Variants in LINGO2 observed in about 807,000 individuals in gnomAD.
LINGO2 encodes the protein leucine-rich repeat and immunoglobulin-like domain-containing nogo receptor-interacting protein 2.
Under a neutral mutation model 30.6 loss-of-function variants are expected in LINGO2, and 14 were observed. The observed-to-expected ratio is 0.46, with a 90% CI of 0.30 to 0.72. The LOEUF is 0.72. Among genes scored for constraint, LINGO2 ranks in the 30% least tolerant of loss-of-function variants. The probability of loss-of-function intolerance (pLI) is 0.07; values close to 1 mark genes in which losing one functional copy is unlikely to be tolerated. For synonymous variants in LINGO2, 317 were observed against 288.5 expected, an observed-to-expected ratio of 1.10 and a Z score of -1.00; for missense variants, 729 against 751.7, an observed-to-expected ratio of 0.97 and a Z score of 0.35.
At chr9:28,393,664 A>G (rs1821926203) in intron 2 of LINGO2, among the ~76,000 whole-genome samples, 1 of 152,188 alleles carries the variant, frequency 6.6e-6, no homozygotes, top group South Asian at 2.1e-4. Context: ...GGCAAGATCA[A>G]CTGTCAGAGG....
the LINGO2 span, among the ~76,000 whole-genome samples, chr9:29,010,227 C>T: frequency 2.2e-4 from 33 of 152,158 alleles, no homozygotes; most frequent in Admixed American, 1.6e-3. Context: ...AAGAAACTAC[C>T]GTCAGAGTGA....
At chr9:28,180,413 G>T (rs555406138) in intron 4 of LINGO2, among the ~76,000 whole-genome samples, 52 of 152,276 alleles carry the variant, frequency 3.4e-4, no homozygotes, top group African/African-American at 1.1e-3. Flanking sequence ...CTACAAGTGT[G>T]TGAATGACAT....
At chr9:28,309,519 A>T (rs1222706620) in intron 3 of LINGO2, among the ~76,000 whole-genome samples, 5 of 152,134 alleles carry the variant, frequency 3.3e-5, no homozygotes. Flanking sequence ...CCAGCATGGC[A>T]CATGTATACA....
the LINGO2 span, among the ~76,000 whole-genome samples, chr9:28,745,169 C>T: frequency 6.6e-6 from 1 of 152,020 alleles, no homozygotes; most frequent in Non-Finnish European, 1.5e-5. Context: ...TCTTCCAGAC[C>T]ACCAAGGGTA....
intron 4 of LINGO2, among the ~76,000 whole-genome samples, chr9:28,074,638 GAC>G (rs1825572728): frequency 6.6e-6 from 1 of 152,074 alleles, no homozygotes; most frequent in Admixed American, 6.6e-5. Context: ...CATCTCAATG[GAC>G]AGATGAAAAA....
At chr9:28,072,813 G>A (rs1182587206) in intron 4 of LINGO2, among the ~76,000 whole-genome samples, 1 of 152,000 alleles carries the variant, frequency 6.6e-6, no homozygotes, top group African/African-American at 2.4e-5. Flanking sequence ...CTGGGGCTGG[G>A]CCACTTAATG....
chr9:27,958,158 A>C (rs141031416), intron 5 of LINGO2, among the ~76,000 whole-genome samples: 30 of 152,304 alleles, frequency 2.0e-4, no homozygotes, highest in African/African-American at 6.7e-4. Flanking sequence ...TAAAATTACA[A>C]GTGAGTACGG....
At chr9:28,964,109 CAT>C in the LINGO2 span, among the ~76,000 whole-genome samples, 4 of 150,666 alleles carry the variant, frequency 2.7e-5, no homozygotes, top group Admixed American at 1.3e-4. Flanking sequence ...CACACACACG[CAT>C]ATATATATAT....
chr9:28,971,844 C>A, the LINGO2 span, among the ~76,000 whole-genome samples: 95 of 152,272 alleles, frequency 6.2e-4, 1 homozygote, highest in Non-Finnish European at 1.9e-4. Flanking sequence ...TTGGGTGAGC[C>A]CCAGTGCTGT....
chr9:29,190,567 A>T, the LINGO2 span, among the ~76,000 whole-genome samples: 3 of 152,192 alleles, frequency 2.0e-5, no homozygotes, highest in African/African-American at 7.2e-5. Flanking sequence ...AATAGGTAAG[A>T]AGTGCTGCTA....
the LINGO2 span, among the ~76,000 whole-genome samples, chr9:28,950,204 C>T: frequency 6.6e-6 from 1 of 152,250 alleles, no homozygotes; most frequent in African/African-American, 2.4e-5. Context: ...CCGCTTCATG[C>T]TAAGAACGCT....
intron 1 of LINGO2, among the ~76,000 whole-genome samples, chr9:28,508,296 T>C (rs1820233227): frequency 1.3e-5 from 2 of 152,114 alleles, no homozygotes; most frequent in Admixed American, 1.3e-4. Flanking sequence ...GAAAATAGTA[T>C]TTATTAAGTG....
the LINGO2 span, among the ~76,000 whole-genome samples, chr9:28,705,269 T>G: frequency 1.3e-5 from 2 of 151,998 alleles, no homozygotes; most frequent in African/African-American, 2.4e-5. Context: ...TAAAAGAAAT[T>G]ATAGTAAATA....
At chr9:28,478,324 T>A (rs1825803184) in intron 1 of LINGO2, among the ~76,000 whole-genome samples, 1 of 152,076 alleles carries the variant, frequency 6.6e-6, no homozygotes, top group South Asian at 2.1e-4. Context: ...CCTCTAATCT[T>A]TGTTTCTGTT....
chr9:28,502,135 CACACACACACACACACACACACACACAT>C (rs1819914658), intron 1 of LINGO2, among the ~76,000 whole-genome samples: 1 of 142,184 alleles, frequency 7.0e-6, no homozygotes, highest in African/African-American at 2.8e-5. Flanking sequence ...AACACAGACA[CACACACACACACACACACACACACACAT>C]ACACACACAC....
chr9:29,005,799 C>A, the LINGO2 span, among the ~76,000 whole-genome samples: 14 of 152,050 alleles, frequency 9.2e-5, no homozygotes, highest in Non-Finnish European at 1.8e-4. Context: ...TATAATTGGT[C>A]TTGTGCTGTT....
intron 4 of LINGO2, among the ~76,000 whole-genome samples, chr9:28,034,586 A>C (rs558652845): frequency 5.3e-4 from 81 of 152,292 alleles, no homozygotes; most frequent in Non-Finnish European, 1.0e-3. Context: ...AGCCTAGAAA[A>C]CGAGGATAAT....
At position 28,443,504 on chromosome 9, in the gene LINGO2, G is replaced by A. The variant is rs184382832; in HGVS notation, c.-279+32436C>T. 2.6e-5 allele frequency among the ~76,000 whole-genome samples: 4 copies of A among 152,334 alleles called. No homozygotes were observed. The East Asian group carries it at 7.7e-4, about 29-fold the overall frequency. Reference sequence around the variant, plus strand: ...CCTTGTGCTGTTGGGGCCCTGGTAAGCACCCTACCCCCTCAGGCTTGATGT... The same window carrying A: ...CCTTGTGCTGTTGGGGCCCTGGTAAACACCCTACCCCCTCAGGCTTGATGT... On this transcript the variant is annotated intron_variant, in intron 2 of 5. Transcript: ENST00000379992.
At chr9:27,969,885 T>A (rs773427262) in intron 5 of LINGO2, among the ~76,000 whole-genome samples, 1 of 151,690 alleles carries the variant, frequency 6.6e-6, no homozygotes, top group Non-Finnish European at 1.5e-5. Flanking sequence ...CTGGCTGAGG[T>A]CCCTCTACCC....
Sources: allele counts gnomAD v4.1 joint callset (sites outside exome capture counted in the v4.1 genomes callset), GRCh38; gene constraint gnomAD v4.1.1; transcripts MANE v1.5; gene names NCBI Gene and HGNC (gene_info 2026-07-23, HGNC 2026-07-21).